TNR: variants seen among roughly 807,000 people sequenced by gnomAD.
TNR encodes tenascin-R.
In TNR, 45 loss-of-function variants were observed where a neutral mutation model predicts 150.4. That is an observed-to-expected ratio of 0.30 (90% CI 0.24 to 0.38). TNR has a LOEUF of 0.38. TNR is among the 10% of genes least tolerant of loss of function. The pLI is 1.00. For synonymous variants in TNR, 687 were observed against 678.4 expected (o/e 1.01, Z -0.20); for missense variants, 1,544 against 1,759.1 (o/e 0.88, Z 2.19).
chr1:175,579,050 G>T (rs993395244), intron 1 of TNR, among the ~76,000 whole-genome samples: 1 of 152,164 alleles, frequency 6.6e-6, no homozygotes, highest in Non-Finnish European at 1.5e-5. Flanking sequence ...AACTGACTGA[G>T]AATCCTTCAC....
At chr1:175,402,908 C>T (rs537232988) in intron 4 of TNR, among the ~76,000 whole-genome samples, 29 of 152,318 alleles carry the variant, frequency 1.9e-4, no homozygotes, top group African/African-American at 7.0e-4. Flanking sequence ...AACAATCCAG[C>T]TCTCAGCCTG....
intron 2 of TNR, among the ~76,000 whole-genome samples, chr1:175,417,024 A>AAAG (rs1654505562): frequency 1.1e-5 from 1 of 93,842 alleles, no homozygotes; most frequent in Non-Finnish European, 2.3e-5. Context: ...AGAAAGAAAG[A>AAAG]AAGAAAGAAA....
intron 1 of TNR, among the ~76,000 whole-genome samples, chr1:175,590,002 T>A (rs79021722): frequency 0.023 from 3,383 of 147,190 alleles, 112 homozygotes; most frequent in African/African-American, 0.079. Flanking sequence ...ATAATAATAA[T>A]AAAAAAAAGA....
chr1:175,621,508 A>G (rs1429866413), intron 1 of TNR, among the ~76,000 whole-genome samples: 1 of 152,172 alleles, frequency 6.6e-6, no homozygotes, highest in Non-Finnish European at 1.5e-5. Context: ...AGATGTATCT[A>G]TCTAAATTAT....
chr1:175,514,720 T>C (rs749188374), intron 2 of TNR, among the ~76,000 whole-genome samples: 3 of 152,232 alleles, frequency 2.0e-5, no homozygotes, highest in Admixed American at 6.5e-5. Flanking sequence ...TTAAGTTAAG[T>C]GAGCATGACG....
Position 175,599,651 on chromosome 1 carries a change from C to A in TNR, c.-164-71282G>T, listed in dbSNP as rs1190799180. Among the ~76,000 whole-genome samples, 3 of 152,190 alleles carry A rather than the reference C, an allele frequency of 2.0e-5. No individual in the cohort carries two copies. The highest frequency in any genetic ancestry group is 7.2e-5 in the African/African-American group (3 of 41,456). ...AGGCTTATGCGGACCTGGCTAACTC[C>A]AGAGGCCGGCGGCTCCTTGCGGTGG... On this transcript the variant is annotated intron_variant, in intron 1 of 22. Transcript: ENST00000367674. This position sits in a 1 kb window ranked among gnomAD's most constrained non-coding sequence, Gnocchi z 4.7.
At position 175,366,043 on chromosome 1, in the gene TNR, G is replaced by T. The variant is rs571505897; in HGVS notation, c.2149C>A (p.Arg717=). 52 of 1,614,120 alleles carry T rather than the reference G, an allele frequency of 3.2e-5. No homozygotes were observed. In the South Asian group the frequency reaches 4.8e-4, roughly 15 times the overall value. ...CCAGAGGATGGGGTAAAGGTAATTC[G>T]GTAGTGGTCAATGGGGCCACTGGCC... ...TKASGPIDHY[R]ITFTPSSGIA... is the part of the protein sequence containing the mutation. The change falls in exon 11 of 23, where the codon CGA becomes AGA. Residue 717 remains arginine (R), a synonymous_variant. Transcript: ENST00000367674.
At chr1:175,441,910 G>A (rs909699514) in intron 2 of TNR, among the ~76,000 whole-genome samples, 10 of 152,202 alleles carry the variant, frequency 6.6e-5, no homozygotes, top group Non-Finnish European at 1.3e-4. Context: ...AGGAAGAGGA[G>A]TGTGAATTAC....
chr1:175,401,153 C>T lies in TNR; in HGVS notation c.976+1987G>A, dbSNP rs74503866. On this transcript the variant is annotated intron_variant, in intron 4 of 22. Coordinates refer to ENST00000367674, the MANE Select transcript of TNR (RefSeq NM_003285.3). The stretch of plus-strand genomic sequence containing the variant: ...TATGCTAGCAGCTGCTGAGTCTTCC[C>T]TGAGGTAGCCAGGAGGGTTCAGTGT... 9.5e-3 allele frequency among the ~76,000 whole-genome samples: 1,452 copies of T among 152,288 alleles called. 25 individuals are homozygous for T. The highest frequency in any genetic ancestry group is 0.033 in the African/African-American group (1,384 of 41,548).
chr1:175,718,611 C>G (rs971152396), intron 1 of TNR, among the ~76,000 whole-genome samples: 1 of 152,170 alleles, frequency 6.6e-6, no homozygotes, highest in East Asian at 1.9e-4. Flanking sequence ...TATCTCCCCT[C>G]GATGGGTCTG....
rs150060522 is a variant in TNR at position 175,714,780 on chromosome 1, G to T, written c.-165+28446C>A. Among the ~76,000 whole-genome samples, 260 of 152,268 alleles carry T rather than the reference G, an allele frequency of 1.7e-3. 1 individual carries two copies. The highest frequency in any genetic ancestry group is 3.5e-3 in the African/African-American group (147 of 41,550). ...AGCCAGGAGCCAATAAGCAGAGACC[G>T]CCAGGCACTGGACAATGTGCAAGAC... On this transcript the variant is annotated intron_variant, in intron 1 of 22. Coordinates refer to ENST00000367674, the MANE Select transcript of TNR (RefSeq NM_003285.3).
At chr1:175,623,281 A>G (rs979319591) in intron 1 of TNR, among the ~76,000 whole-genome samples, 11 of 152,212 alleles carry the variant, frequency 7.2e-5, no homozygotes, top group Admixed American at 2.0e-4. Context: ...AGGTATTACT[A>G]TTACACATTT....
At chr1:175,398,239 C>T (rs1653528212) in intron 4 of TNR, among the ~76,000 whole-genome samples, 5 of 152,174 alleles carry the variant, frequency 3.3e-5, no homozygotes, top group Admixed American at 2.6e-4. Context: ...ATATGCACTG[C>T]TGGACATTTG....
chr1:175,400,898 C>G (rs1339173408), intron 4 of TNR, among the ~76,000 whole-genome samples: 2 of 152,144 alleles, frequency 1.3e-5, no homozygotes, highest in Non-Finnish European at 2.9e-5. Context: ...CTGGAAGAGA[C>G]CTGTAGCACT....
chr1:175,368,464 C>A (rs1164208032), intron 9 of TNR, among the ~76,000 whole-genome samples: 1 of 152,236 alleles, frequency 6.6e-6, no homozygotes, highest in Non-Finnish European at 1.5e-5. Context: ...TCCTTGCGAT[C>A]ATGTTGGTCC....
chr1:175,459,833 T>C (rs572771860), intron 2 of TNR, among the ~76,000 whole-genome samples: 6 of 151,728 alleles, frequency 4.0e-5, no homozygotes, highest in African/African-American at 1.5e-4. Flanking sequence ...AAAGATTCTA[T>C]AAATGGTTTC....
intron 7 of TNR, among the ~76,000 whole-genome samples, chr1:175,386,570 G>T (rs1423248901): frequency 6.6e-6 from 1 of 152,170 alleles, no homozygotes; most frequent in African/African-American, 2.4e-5. Flanking sequence ...AGTCTGGGCA[G>T]GGGAAGGGCA....
chr1:175,556,305 A>G lies in TNR; in HGVS notation c.-164-27936T>C, dbSNP rs192089680. Among the ~76,000 whole-genome samples the G allele has an allele frequency of 1.3e-4, 20 of 152,346 alleles. No individual in the cohort carries two copies. The East Asian group carries it at 2.7e-3, about 21-fold the overall frequency. Reference sequence around the variant, plus strand: ...AGTTAGTAGGCAGTTTTAGCCACATATAGCACAACACAAGTAATGTCCATG... The same window carrying G: ...AGTTAGTAGGCAGTTTTAGCCACATGTAGCACAACACAAGTAATGTCCATG... On this transcript the variant is annotated intron_variant, in intron 1 of 22. Coordinates refer to ENST00000367674, the MANE Select transcript of TNR (RefSeq NM_003285.3).
At chr1:175,454,121 G>A (rs1453804337) in intron 2 of TNR, among the ~76,000 whole-genome samples, 1 of 152,174 alleles carries the variant, frequency 6.6e-6, no homozygotes, top group Non-Finnish European at 1.5e-5. Context: ...TGGTCTAGTT[G>A]TCTGTCTCTT....
Sources: gnomAD v4.1 joint callset for allele counts (sites outside exome capture counted in the v4.1 genomes callset) on GRCh38, gnomAD v4.1.1 for gene constraint, Gnocchi (gnomAD v3.1) non-coding constraint, MANE v1.5 for transcripts, NCBI Gene and HGNC (gene_info 2026-07-23, HGNC 2026-07-21) for gene names.